The following CAMK1D variants were observed in gnomAD, a reference collection of about 807,000 sequenced individuals.
CAMK1D encodes calcium/calmodulin dependent protein kinase ID.
CAMK1D carries 9 observed loss-of-function variants against 47.7 expected under a neutral mutation model. The ratio of observed to expected loss-of-function variants is 0.19; its 90% CI spans 0.11 to 0.33. CAMK1D has a LOEUF of 0.33. Ranked by LOEUF, CAMK1D falls within the 10% of genes least tolerant of loss-of-function variation. The pLI, the probability that CAMK1D is intolerant of heterozygous loss-of-function variation, is 1.00. For synonymous variants in CAMK1D, 184 were observed against 184.9 expected, an observed-to-expected ratio of 0.99 and a Z score of 0.04; for missense variants, 291 against 488.7, an observed-to-expected ratio of 0.60 and a Z score of 3.81.
intron 1 of CAMK1D, among the ~76,000 whole-genome samples, chr10:12,441,121 A>G (rs1478880863): frequency 6.6e-6 from 1 of 152,144 alleles, no homozygotes; most frequent in African/African-American, 2.4e-5. Context: ...ATGACTGTCC[A>G]TAAAAATAGA....
chr10:12,481,112 A>T (rs1311266121), intron 1 of CAMK1D, among the ~76,000 whole-genome samples: 1 of 152,210 alleles, frequency 6.6e-6, no homozygotes, highest in African/African-American at 2.4e-5. Flanking sequence ...TTCTACTAAG[A>T]CGTGGGCATA....
intron 2 of CAMK1D, among the ~76,000 whole-genome samples, chr10:12,584,988 T>C (rs1837773490): frequency 6.6e-6 from 1 of 152,148 alleles, no homozygotes; most frequent in Admixed American, 6.5e-5. Flanking sequence ...AAGTCACATA[T>C]AGATTTAAAA....
intron 1 of CAMK1D, among the ~76,000 whole-genome samples, chr10:12,537,058 TG>T (rs998055939): frequency 6.6e-6 from 1 of 152,132 alleles, no homozygotes; most frequent in African/African-American, 2.4e-5. Context: ...GTTGTTTTTG[TG>T]GGTTTTCACT....
Position 12,378,657 on chromosome 10 carries a change from A to G in CAMK1D, c.92+28747A>G, listed in dbSNP as rs550918783. On this transcript the variant is annotated intron_variant, in intron 1 of 10. Coordinates refer to ENST00000619168, the MANE Select transcript of CAMK1D (RefSeq NM_153498.4). Reference sequence around the variant, plus strand: ...TAAAACTTTCTTCTCTACTCTTTTTAGCCTAATATCAAAGGCTTTTTAGTG... The same window carrying G: ...TAAAACTTTCTTCTCTACTCTTTTTGGCCTAATATCAAAGGCTTTTTAGTG... 7.9e-5 allele frequency among the ~76,000 whole-genome samples: 12 copies of G among 151,224 alleles called. No individual in the cohort carries two copies. In the South Asian group the frequency reaches 1.9e-3, roughly 24 times the overall value.
At chr10:12,519,127 C>A (rs1273117426) in intron 1 of CAMK1D, among the ~76,000 whole-genome samples, 2 of 87,640 alleles carry the variant, frequency 2.3e-5, no homozygotes, top group African/African-American at 9.0e-5. Flanking sequence ...CTGACCCCCC[C>A]ACCACCCTCC....
At chr10:12,595,080 G>A (rs986370438) in intron 2 of CAMK1D, among the ~76,000 whole-genome samples, 5 of 152,104 alleles carry the variant, frequency 3.3e-5, no homozygotes, top group African/African-American at 4.8e-5. Context: ...GGTGCCTCAT[G>A]CCTGTAATCC....
intron 1 of CAMK1D, among the ~76,000 whole-genome samples, chr10:12,511,660 A>G (rs1379170345): frequency 1.3e-5 from 2 of 152,164 alleles, no homozygotes; most frequent in East Asian, 1.9e-4. Flanking sequence ...TCCTCCTCCA[A>G]TCCAGTTGGA....
At chr10:12,641,387 T>G (rs1251317532) in intron 2 of CAMK1D, among the ~76,000 whole-genome samples, 2 of 152,172 alleles carry the variant, frequency 1.3e-5, no homozygotes, top group Admixed American at 1.3e-4. Flanking sequence ...TTTAGGAGAC[T>G]GAGGCAAGAG....
intron 2 of CAMK1D, among the ~76,000 whole-genome samples, chr10:12,628,080 C>CAAA (rs1248686635): frequency 2.5e-5 from 2 of 81,544 alleles, no homozygotes; most frequent in Non-Finnish European, 5.7e-5. Context: ...GACTCTGTCT[C>CAAA]AAAAAAAAAC....
In CAMK1D at chr10:12,761,754, C is replaced by T. The variant is rs187707958; in HGVS notation, c.438+668C>T. Among the ~76,000 whole-genome samples, 551 of 152,210 alleles carry T rather than the reference C, an allele frequency of 3.6e-3. 1 individual carries two copies. Among genetic ancestry groups the T allele is most frequent in the African/African-American group, 0.013 (528 of 41,514 alleles). On this transcript the variant is annotated intron_variant, in intron 4 of 10. Transcript: ENST00000619168. ...TACAAAAATTAGCTGGGTGTGGTGG[C>T]GCGTGCCTGTAGTCCCAGCTACACA...
chr10:12,494,437 T>C (rs1834476367), intron 1 of CAMK1D, among the ~76,000 whole-genome samples: 2 of 152,176 alleles, frequency 1.3e-5, no homozygotes, highest in Non-Finnish European at 2.9e-5. Flanking sequence ...CACACATATA[T>C]ACTTATATTA....
At chr10:12,745,140 C>T (rs775526414) in intron 3 of CAMK1D, among the ~76,000 whole-genome samples, 26 of 152,360 alleles carry the variant, frequency 1.7e-4, no homozygotes, top group Non-Finnish European at 3.2e-4. Context: ...ACGCCGTTCT[C>T]CTGCCTCAGC....
chr10:12,648,660 G>A (rs1367119108), intron 2 of CAMK1D, among the ~76,000 whole-genome samples: 1 of 151,996 alleles, frequency 6.6e-6, no homozygotes, highest in Non-Finnish European at 1.5e-5. Context: ...TAGTAGAGGT[G>A]GGGTTTCGCT....
intron 2 of CAMK1D, among the ~76,000 whole-genome samples, chr10:12,651,173 G>A (rs1839952560): frequency 6.6e-6 from 1 of 152,030 alleles, no homozygotes; most frequent in Non-Finnish European, 1.5e-5. Flanking sequence ...TTCTCTGCCT[G>A]CCTAGTGAAC....
At chr10:12,619,759 C>T (rs1838934088) in intron 2 of CAMK1D, among the ~76,000 whole-genome samples, 1 of 151,868 alleles carries the variant, frequency 6.6e-6, no homozygotes, top group African/African-American at 2.4e-5. Flanking sequence ...GTATTACAAC[C>T]AGGATATTGA....
chr10:12,529,268 A>G (rs1329717374), intron 1 of CAMK1D, among the ~76,000 whole-genome samples: 2 of 152,152 alleles, frequency 1.3e-5, no homozygotes, highest in Non-Finnish European at 2.9e-5. Flanking sequence ...TTTTCATAGG[A>G]GGGAACAAAT....
intron 2 of CAMK1D, among the ~76,000 whole-genome samples, chr10:12,556,357 C>G (rs932610747): frequency 6.6e-6 from 1 of 152,188 alleles, no homozygotes. Context: ...ATAAGGTGCT[C>G]TCCTTGCCCT....
intron 3 of CAMK1D, among the ~76,000 whole-genome samples, chr10:12,680,607 G>A (rs1454696550): frequency 2.0e-5 from 3 of 152,114 alleles, no homozygotes; most frequent in Admixed American, 6.6e-5. Context: ...AACGCATGTT[G>A]GTGATGATGC....
At chr10:12,682,342 G>A (rs542582327) in intron 3 of CAMK1D, among the ~76,000 whole-genome samples, 1 of 152,316 alleles carries the variant, frequency 6.6e-6, no homozygotes, top group Non-Finnish European at 1.5e-5. Context: ...TACAGCAATG[G>A]AAAGAGATTG....
Sources: allele counts gnomAD v4.1 joint callset (sites outside exome capture counted in the v4.1 genomes callset), GRCh38; gene constraint gnomAD v4.1.1; transcripts MANE v1.5; gene names NCBI Gene and HGNC (gene_info 2026-07-23, HGNC 2026-07-21).